The following CAST variants were observed in gnomAD, a reference collection of about 807,000 sequenced individuals.
The protein encoded by CAST is MIR583 host.
In CAST, 76 loss-of-function variants were observed where a neutral mutation model predicts 119.6. That is an observed-to-expected ratio of 0.64 (90% CI 0.53 to 0.77). CAST has a LOEUF of 0.77. Ranked by LOEUF, CAST falls within the 30% of genes least tolerant of loss-of-function variation. CAST has a pLI of 0.00. For synonymous variants in CAST, 319 were observed against 331.6 expected, an observed-to-expected ratio of 0.96 and a Z score of 0.41; for missense variants, 953 against 946.5, an observed-to-expected ratio of 1.01 and a Z score of -0.09.
chr5:96,096,232 A>T, the CAST span, among the ~76,000 whole-genome samples: 1 of 152,192 alleles, frequency 6.6e-6, no homozygotes, highest in African/African-American at 2.4e-5. Flanking sequence ...GAAACTTTGG[A>T]TCTTTAGAAT....
At chr5:96,256,430 C>T in the CAST span, among the ~76,000 whole-genome samples, 2 of 149,890 alleles carry the variant, frequency 1.3e-5, no homozygotes, top group Admixed American at 1.3e-4. Flanking sequence ...ATGATACATT[C>T]TGAGAAATGT....
the CAST span, among the ~76,000 whole-genome samples, chr5:96,170,195 A>G: frequency 6.6e-6 from 1 of 152,196 alleles, no homozygotes; most frequent in Non-Finnish European, 1.5e-5. Context: ...TCAGTCAGAG[A>G]GCCTTGGGCC....
At chr5:96,208,470 T>C in the CAST span, among the ~76,000 whole-genome samples, 1 of 151,996 alleles carries the variant, frequency 6.6e-6, no homozygotes, top group South Asian at 2.1e-4. Context: ...TTTGATGTTA[T>C]AAACTTTCCT....
the CAST span, among the ~76,000 whole-genome samples, chr5:96,343,171 TA>T: frequency 3.3e-5 from 5 of 150,416 alleles, no homozygotes; most frequent in South Asian, 2.1e-4. Context: ...TTAACCTCAC[TA>T]AAAAAAAACA....
chr5:95,970,027 G>T, the CAST span, among the ~76,000 whole-genome samples: 1 of 152,148 alleles, frequency 6.6e-6, no homozygotes, highest in Non-Finnish European at 1.5e-5. Context: ...ACTAACACAG[G>T]TATCTTATGC....
chr5:95,984,921 C>T, the CAST span, among the ~76,000 whole-genome samples: 14 of 151,870 alleles, frequency 9.2e-5, no homozygotes, highest in Non-Finnish European at 1.5e-4. Flanking sequence ...AATATTAATG[C>T]TTTTATATTG....
chr5:96,763,348 G>A (rs1243883085), intron 25 of CAST: 4 of 744,182 alleles, frequency 5.4e-6, no homozygotes, highest in East Asian at 5.0e-5. Flanking sequence ...TGCCCCGTGT[G>A]TGTGTATGTG....
At chr5:96,120,565 G>A in the CAST span, among the ~76,000 whole-genome samples, 2 of 150,972 alleles carry the variant, frequency 1.3e-5, no homozygotes, top group Non-Finnish European at 2.9e-5. Flanking sequence ...CTCTGACCCT[G>A]TGCCCTGCTA....
the CAST span, among the ~76,000 whole-genome samples, chr5:95,998,266 AT>A: frequency 1.3e-5 from 2 of 151,884 alleles, no homozygotes; most frequent in Admixed American, 1.3e-4. Context: ...TTAAATTTAA[AT>A]TTTTTTATAT....
the CAST span, chr5:95,980,235 C>T: frequency 1.3e-5 from 2 of 152,126 alleles, no homozygotes; most frequent in African/African-American, 4.8e-5. Context: ...TAGGTACTGA[C>T]AGATATACAA....
chr5:96,270,561 A>G, the CAST span, among the ~76,000 whole-genome samples: 1 of 152,198 alleles, frequency 6.6e-6, no homozygotes, highest in Non-Finnish European at 1.5e-5. Context: ...TTGCGGGGAC[A>G]TGGATGGAGT....
the CAST span, among the ~76,000 whole-genome samples, chr5:96,226,502 A>G: frequency 2.0e-5 from 3 of 151,878 alleles, no homozygotes; most frequent in Non-Finnish European, 4.4e-5. Context: ...AATACAAAAA[A>G]TTAGCCAGGG....
the CAST span, chr5:96,408,327 G>A: frequency 2.5e-6 from 4 of 1,610,778 alleles, no homozygotes; most frequent in East Asian, 4.5e-5. Context: ...CGCTCGTCTG[G>A]ATGACGTCAG....
the CAST span, among the ~76,000 whole-genome samples, chr5:96,153,535 G>A: frequency 6.6e-6 from 1 of 152,028 alleles, no homozygotes; most frequent in Non-Finnish European, 1.5e-5. Context: ...TTCTTGCATT[G>A]GGCCCCAAAA....
At chr5:96,230,413 A>G in the CAST span, among the ~76,000 whole-genome samples, 1,866 of 152,270 alleles carry the variant, frequency 0.012, 137 homozygotes, top group Admixed American at 0.11. Context: ...GCCACCGCAT[A>G]ATCCTAATAA....
chr5:96,762,207 A>C, intron 24 of CAST, 67 bp from the exon 25 acceptor site: 1 of 927,570 alleles, frequency 1.1e-6, no homozygotes, highest in Non-Finnish European at 1.7e-6. Flanking sequence ...AGTTATAGTT[A>C]AGTGATGGCA....
chr5:96,745,510 A>G lies in CAST; in HGVS notation c.1201-832A>G, dbSNP rs184055582. Among the ~76,000 whole-genome samples the G allele has an allele frequency of 3.3e-5, 5 of 152,336 alleles. 1 individual carries two copies. Among genetic ancestry groups the G allele is most frequent in the African/African-American group, 1.2e-4 (5 of 41,576 alleles). ...GAACCACACTCTTAGGCTAAGATGC[A>G]GATGGGGGCCGTGGGTTGGGTTGGA... is the stretch of plus-strand genomic sequence containing the variant. On this transcript the variant is annotated intron_variant, in intron 16 of 31. Coordinates refer to ENST00000675179, the MANE Select transcript of CAST (RefSeq NM_001750.7).
intron 1 of CAST, among the ~76,000 whole-genome samples, chr5:96,553,233 C>G (rs1048781224): frequency 6.6e-6 from 1 of 152,202 alleles, no homozygotes; most frequent in Non-Finnish European, 1.5e-5. Flanking sequence ...GGGCTTCATC[C>G]CTGGGATGCA....
the CAST span, among the ~76,000 whole-genome samples, chr5:96,317,309 C>CAAA: frequency 4.2e-3 from 433 of 103,990 alleles, 2 homozygotes; most frequent in African/African-American, 0.013. Context: ...ACCAAAAATA[C>CAAA]AAAAAAAAAA....
Sources: allele counts gnomAD v4.1 joint callset (sites outside exome capture counted in the v4.1 genomes callset), GRCh38; gene constraint gnomAD v4.1.1; transcripts MANE v1.5; gene names NCBI Gene and HGNC (gene_info 2026-07-23, HGNC 2026-07-21).